The following B4GALNT3 variants were observed in gnomAD, a reference collection of about 807,000 sequenced individuals.
B4GALNT3 encodes the protein beta-1,4-N-acetylgalactosaminyltransferase 3.
A neutral mutation model predicts 120.2 loss-of-function variants in B4GALNT3; 86 were observed. That is an observed-to-expected ratio of 0.72 (90% CI 0.60 to 0.86). The LOEUF (loss-of-function observed/expected upper bound fraction) is 0.86. B4GALNT3 is among the 40% of genes least tolerant of loss of function. B4GALNT3 has a pLI of 0.00. For synonymous variants in B4GALNT3, 518 were observed against 510.4 expected, an observed-to-expected ratio of 1.01 and a Z score of -0.20; for missense variants, 1,167 against 1,298.9, an observed-to-expected ratio of 0.90 and a Z score of 1.56.
intron 1 of B4GALNT3, among the ~76,000 whole-genome samples, chr12:500,885 T>TTTTTTTTTTTTTTTTTTTTTTTTTTTTTA (rs1946435189): frequency 6.9e-6 from 1 of 145,428 alleles, no homozygotes; most frequent in African/African-American, 2.6e-5. Context: ...TTTTTTTTTT[T>TTTTTTTTTTTTTTTTTTTTTTTTTTTTTA]GACACAGGGT....
chr12:512,430 C>A (rs1441614480), intron 1 of B4GALNT3, among the ~76,000 whole-genome samples: 1 of 145,916 alleles, frequency 6.9e-6, no homozygotes, highest in African/African-American at 2.6e-5. Flanking sequence ...TTCCGCCTTC[C>A]GCCTTCCATC....
chr12:498,060 T>C (rs12313707), intron 1 of B4GALNT3, among the ~76,000 whole-genome samples: 36,402 of 151,886 alleles, frequency 0.24, 4,913 homozygotes, highest in South Asian at 0.39. Flanking sequence ...TTCCTCTACT[T>C]CTCCAGTTTT....
rs900194899 is a variant in B4GALNT3, at chr12:550,605, A to C, written c.998-317A>C. ...CATGGTAGGAAATCCAGTTATCGGT[A>C]CTGTACGAGGGAGGGGACCTTCTGG... On this transcript the variant is annotated intron_variant, in intron 10 of 19. Coordinates refer to ENST00000266383, the MANE Select transcript of B4GALNT3 (RefSeq NM_173593.4). This position sits in a 1 kb window ranked among gnomAD's most constrained non-coding sequence, Gnocchi z 4.1. 2.6e-5 allele frequency among the ~76,000 whole-genome samples: 4 copies of C among 152,224 alleles called. No homozygotes were observed. Among genetic ancestry groups the C allele is most frequent in the African/African-American group, 9.6e-5 (4 of 41,466 alleles).
chr12:520,942 G>C (rs1369331718), intron 1 of B4GALNT3, among the ~76,000 whole-genome samples: 1 of 152,178 alleles, frequency 6.6e-6, no homozygotes, highest in Non-Finnish European at 1.5e-5. Context: ...ATTCTGAATA[G>C]TCAGCTCTTC....
intron 14 of B4GALNT3, among the ~76,000 whole-genome samples, chr12:555,062 C>T (rs962156846): frequency 1.3e-5 from 2 of 151,830 alleles, no homozygotes; most frequent in Admixed American, 6.6e-5. Flanking sequence ...CCTGTATCCC[C>T]AGCTACTTGG....
At position 558,591 on chromosome 12, in the gene B4GALNT3, G is replaced by A. The variant is rs772607793; in HGVS notation, c.2691G>A (p.Val897=). 3.8e-5 allele frequency: 61 copies of A among 1,614,048 alleles called. No homozygotes were observed. Among genetic ancestry groups the A allele is most frequent in the Non-Finnish European group, 5.0e-5 (59 of 1,180,030 alleles). The change falls in exon 18 of 20, where the codon GTG becomes GTA. Residue 897 remains valine (V), a synonymous_variant. Transcript: ENST00000266383. ...GVIDAIRKHC[V]EGKMAFAPMV... ...TCGATGCCATTCGGAAGCACTGTGT[G>A]GAGGGAAAGATGGCCTTTGCCCCCA... is the stretch of plus-strand genomic sequence containing the variant.
At chr12:561,278 T>G in intron 19 of B4GALNT3, 65 bp from the exon 20 acceptor site, 1 of 1,293,900 alleles carries the variant, frequency 7.7e-7, no homozygotes, top group South Asian at 1.2e-5. Context: ...CTGTGGTCGA[T>G]GGGGAGGGGC....
At chr12:519,566 C>T (rs1439304461) in intron 1 of B4GALNT3, among the ~76,000 whole-genome samples, 2 of 151,030 alleles carry the variant, frequency 1.3e-5, no homozygotes, top group East Asian at 1.9e-4. Flanking sequence ...GTATTGGCTC[C>T]TTCCCCAAAG....
At chr12:475,919 G>A (rs574458738) in intron 1 of B4GALNT3, among the ~76,000 whole-genome samples, 22 of 152,272 alleles carry the variant, frequency 1.4e-4, no homozygotes, top group East Asian at 9.7e-4. Context: ...GAATCGGGTC[G>A]GCGCAGGCTT....
At chr12:510,675 G>A (rs898206498) in intron 1 of B4GALNT3, among the ~76,000 whole-genome samples, 1 of 152,150 alleles carries the variant, frequency 6.6e-6, no homozygotes, top group Admixed American at 6.5e-5. Context: ...AGCTGCTTTG[G>A]AAAGAAACCT....
At chr12:510,280 G>T (rs1251619427) in intron 1 of B4GALNT3, among the ~76,000 whole-genome samples, 1 of 152,204 alleles carries the variant, frequency 6.6e-6, no homozygotes, top group Non-Finnish European at 1.5e-5. Context: ...GATGATTTCT[G>T]CCATGCTGAG....
intron 1 of B4GALNT3, among the ~76,000 whole-genome samples, chr12:499,506 T>A (rs1946419940): frequency 8.0e-6 from 1 of 125,626 alleles, no homozygotes; most frequent in Non-Finnish European, 1.6e-5. Context: ...GCCCGTGCTC[T>A]CACTATCTAC....
At chr12:512,626 C>T (rs1385086108) in intron 1 of B4GALNT3, among the ~76,000 whole-genome samples, 1 of 144,412 alleles carries the variant, frequency 6.9e-6, no homozygotes, top group Non-Finnish European at 1.5e-5. Flanking sequence ...TTCCGCCTTC[C>T]ACCTTCCGCC....
chr12:479,778 T>G (rs7294354), intron 1 of B4GALNT3, among the ~76,000 whole-genome samples: 76,031 of 151,728 alleles, frequency 0.5, 19,552 homozygotes, highest in East Asian at 0.65. Context: ...CGTGTCCAAC[T>G]GAGGCCTTTA....
intron 1 of B4GALNT3, among the ~76,000 whole-genome samples, chr12:522,530 C>G (rs574826501): frequency 3.3e-5 from 5 of 152,038 alleles, no homozygotes; most frequent in African/African-American, 9.7e-5. Flanking sequence ...AGTGGCAGTT[C>G]GTGTTTAATG....
Position 562,274 on chromosome 12 carries a change from C to G in B4GALNT3, c.*823C>G, listed in dbSNP as rs1409662189. 2 of 152,334 alleles carry G rather than the reference C, an allele frequency of 1.3e-5. No homozygotes were observed. The highest frequency in any genetic ancestry group is 4.8e-5 in the African/African-American group (2 of 41,436). 9.4% of individuals were successfully genotyped at this position (152,334 alleles called of 1,614,324 possible). On this transcript the variant is annotated 3_prime_UTR_variant, in exon 20 of 20. Transcript: ENST00000266383. This position sits in a 1 kb window ranked among gnomAD's most constrained non-coding sequence, Gnocchi z 5.2. ...CAGGGGAGAGAAGCCCTTTCCCTTA[C>G]CGGCGTGCCTGTGGGTAAGGCCTCC...
At chr12:475,514 G>A (rs1225118063) in intron 1 of B4GALNT3, among the ~76,000 whole-genome samples, 1 of 152,104 alleles carries the variant, frequency 6.6e-6, no homozygotes, top group African/African-American at 2.4e-5. Context: ...AGAACCGGAG[G>A]TGGGGTCTCC....
chr12:529,029 A>G (rs1211685010), intron 1 of B4GALNT3, among the ~76,000 whole-genome samples: 1 of 152,158 alleles, frequency 6.6e-6, no homozygotes, highest in East Asian at 1.9e-4. Context: ...GGTCCTTTGC[A>G]TGTGGTGGTG....
chr12:563,010 C>T lies in B4GALNT3; in HGVS notation c.*1559C>T, dbSNP rs1053473180. 2.0e-5 allele frequency: 3 copies of T among 152,330 alleles called. No homozygotes were observed. Among genetic ancestry groups the T allele is most frequent in the Non-Finnish European group, 2.9e-5 (2 of 68,086 alleles). 9.4% of individuals were successfully genotyped at this position (152,330 alleles called of 1,614,324 possible). A position where few individuals can be genotyped will look rare whatever the true frequency, so the allele number is the denominator to read the frequency against. ...GTTTGGCACATGGGAGAATGGAGCC[C>T]GTGGAGAACCTTCTGGGGGGTCGGG... On this transcript the variant is annotated 3_prime_UTR_variant, in exon 20 of 20. Coordinates refer to ENST00000266383, the MANE Select transcript of B4GALNT3 (RefSeq NM_173593.4).
Sources: gnomAD v4.1 joint callset for allele counts (sites outside exome capture counted in the v4.1 genomes callset) on GRCh38, gnomAD v4.1.1 for gene constraint, Gnocchi (gnomAD v3.1) non-coding constraint, MANE v1.5 for transcripts, NCBI Gene and HGNC (gene_info 2026-07-23, HGNC 2026-07-21) for gene names.